The following KDM4A variants were observed in gnomAD, a reference collection of about 807,000 sequenced individuals.
KDM4A encodes the protein lysine demethylase 4A, also known as lysine-specific demethylase 4A.
Under a neutral mutation model 127.1 loss-of-function variants are expected in KDM4A, and 23 were observed. The observed-to-expected ratio is 0.18, with a 90% confidence interval of 0.13 to 0.26. KDM4A has a LOEUF of 0.26. KDM4A is among the 10% of genes least tolerant of loss of function. The pLI is 1.00. For synonymous variants in KDM4A, 443 were observed against 466.5 expected (o/e 0.95, Z 0.65); for missense variants, 890 against 1,329.1 (o/e 0.67, Z 5.14).
intron 18 of KDM4A, among the ~76,000 whole-genome samples, chr1:43,696,427 CTTTTCACTCTGCCAT>C (rs528263669): frequency 1.8e-4 from 27 of 152,334 alleles, no homozygotes; most frequent in African/African-American, 6.5e-4. Context: ...GAAGGATGAA[CTTTTCACTCTGCCAT>C]TTGGGGTTGC....
intron 11 of KDM4A, among the ~76,000 whole-genome samples, chr1:43,680,817 G>A (rs1462961468): frequency 6.6e-6 from 1 of 152,242 alleles, no homozygotes; most frequent in Non-Finnish European, 1.5e-5. Flanking sequence ...GGATGATCCA[G>A]GGTACGCTCC....
In KDM4A at chr1:43,669,084, G is replaced by C; in HGVS notation, c.1164-16G>C. 6.2e-7 allele frequency: 1 copy of C among 1,613,936 alleles called. No individual in the cohort carries two copies. Among genetic ancestry groups the C allele is most frequent in the Non-Finnish European group, 8.5e-7 (1 of 1,179,850 alleles). The stretch of plus-strand genomic sequence containing the variant: ...GTATATGTGGGCTCTTAAAAGATTT[G>C]CCCTCTCCCTTGCAGCCTGGCCAAG... On this transcript the variant is annotated splice_polypyrimidine_tract_variant and intron_variant, in intron 9 of 21. Coordinates refer to ENST00000372396, the MANE Select transcript of KDM4A (RefSeq NM_014663.3).
At position 43,703,493 on chromosome 1, in the gene KDM4A, A is replaced by G. The variant is rs943649857; in HGVS notation, c.2842-124A>G. ...TTTAACTGTTAACATTTTTCAGCCC[A>G]GAGAGCTGCCTTGCTCTCTAAAACA... On this transcript the variant is annotated intron_variant, in intron 19 of 21. Transcript: ENST00000372396. The G allele has an allele frequency of 3.5e-5, 43 of 1,242,594 alleles. No homozygotes were observed. In the African/African-American group the frequency reaches 5.8e-4, roughly 17 times the overall value. The allele number at this position is 1,242,594 out of a possible 1,614,324, so 77.0% of individuals were successfully genotyped here. A position where few individuals can be genotyped will look rare whatever the true frequency, so the allele number is the denominator to read the frequency against.
chr1:43,651,266 C>T (rs1302728154), intron 1 of KDM4A, among the ~76,000 whole-genome samples: 1 of 152,196 alleles, frequency 6.6e-6, no homozygotes, highest in African/African-American at 2.4e-5. Context: ...TGGAGCTGCC[C>T]TTGCAGAGGA....
At chr1:43,672,001 C>T (rs1660630393) in intron 11 of KDM4A, 126 bp downstream of exon 11, 6 of 1,128,720 alleles carry the variant, frequency 5.3e-6, no homozygotes, top group Non-Finnish European at 7.1e-6. Context: ...GCAGGAGAGA[C>T]CCTCAGTCAG....
rs767110914 is a variant in KDM4A at position 43,669,230 on chromosome 1, G to A, written c.1294G>A (p.Ala432Thr). The A allele has an allele frequency of 2.4e-5, 39 of 1,614,092 alleles. No individual in the cohort carries two copies. The highest frequency in any genetic ancestry group is 3.0e-5 in the Non-Finnish European group (35 of 1,180,050). The change falls in exon 10 of 22, where the codon GCA (alanine) becomes ACA (threonine). Residue 432 changes from alanine (A) to threonine (T), a missense_variant. By Grantham distance (58) the Ala-to-Thr change is moderately conservative (BLOSUM62 0). This residue lies in a region of KDM4A where 389 missense variants were observed against 485.9 expected (regional missense o/e 0.80). Coordinates refer to ENST00000372396, the MANE Select transcript of KDM4A (RefSeq NM_014663.3). Reference protein sequence around the residue: ...SEQYEMTECPAALAPVRPTHS... With the variant: ...SEQYEMTECPTALAPVRPTHS... Reference sequence around the variant, plus strand: ...GCAGTATGAGATGACGGAGTGCCCGGCAGCCCTCGCCCCTGTGAGGCCCAC... The same window carrying A: ...GCAGTATGAGATGACGGAGTGCCCGACAGCCCTCGCCCCTGTGAGGCCCAC...
chr1:43,704,457 T>A lies in KDM4A; in HGVS notation c.*87T>A. On this transcript the variant is annotated 3_prime_UTR_variant, in exon 22 of 22. Transcript: ENST00000372396. ...ACAGCAGACATGGAACGCTGAAGTC[T>A]CTGAAAGTGAAGTTGTAAAAAGAAA... 1 of 1,348,280 alleles carries A rather than the reference T, an allele frequency of 7.4e-7. No homozygotes were observed. The highest frequency in any genetic ancestry group is 1.0e-6 in the Non-Finnish European group (1 of 976,388). The allele number at this position is 1,348,280 out of a possible 1,614,324, so 83.5% of individuals were successfully genotyped here. A position where few individuals can be genotyped will look rare whatever the true frequency, so the allele number is the denominator to read the frequency against.
At chr1:43,682,729 A>G (rs922991618) in intron 11 of KDM4A, among the ~76,000 whole-genome samples, 1 of 152,228 alleles carries the variant, frequency 6.6e-6, no homozygotes, top group Admixed American at 6.5e-5. Flanking sequence ...TTCTCTTGGC[A>G]TTCCAACTGT....
intron 15 of KDM4A, among the ~76,000 whole-genome samples, chr1:43,691,811 G>A (rs1386721146): frequency 6.6e-6 from 1 of 152,142 alleles, no homozygotes; most frequent in East Asian, 1.9e-4. Context: ...TGGTCTTCCT[G>A]TGGAGGAACA....
intron 9 of KDM4A, among the ~76,000 whole-genome samples, chr1:43,668,226 G>T (rs528176878): frequency 1.1e-4 from 17 of 152,146 alleles, no homozygotes; most frequent in Non-Finnish European, 2.9e-5. Context: ...CCCGGGTTCA[G>T]GCCATTCTTC....
intron 19 of KDM4A, among the ~76,000 whole-genome samples, chr1:43,702,926 G>A (rs1321987853): frequency 6.6e-6 from 1 of 151,922 alleles, no homozygotes; most frequent in Admixed American, 6.5e-5. Context: ...AGCTACTCGG[G>A]AGGCTGAGGC....
In KDM4A at chr1:43,653,048, A is replaced by C. The variant is rs543398046; in HGVS notation, c.-39-89A>C. On this transcript the variant is annotated intron_variant, in intron 1 of 21. Transcript: ENST00000372396. ...TCTTAACTGTGTCTTTTGAATTTCT[A>C]TATTATCTTTTACTGTTTTCAGAGT... The C allele has an allele frequency of 1.0e-5, 7 of 683,498 alleles. No individual in the cohort carries two copies. In the South Asian group the frequency reaches 2.5e-4, roughly 25 times the overall value. 42.3% of individuals were successfully genotyped at this position (683,498 alleles called of 1,614,324 possible).
At position 43,669,214 on chromosome 1, in the gene KDM4A, G is replaced by A. The variant is rs1347756873; in HGVS notation, c.1278G>A (p.Glu426=). 1 of 1,614,240 alleles carries A rather than the reference G, an allele frequency of 6.2e-7. No individual in the cohort carries two copies. Among genetic ancestry groups the A allele is most frequent in the Non-Finnish European group, 8.5e-7 (1 of 1,180,046 alleles). ...AGGATCTGAGTTCTGAGCAGTATGA[G>A]ATGACGGAGTGCCCGGCAGCCCTCG... ...PKEDLSSEQY[E]MTECPAALAP... Residue 426 remains glutamate (E), a synonymous_variant, in exon 10 of 22, where the codon GAG becomes GAA. Coordinates refer to ENST00000372396, the MANE Select transcript of KDM4A (RefSeq NM_014663.3).
In KDM4A at chr1:43,704,465, T is replaced by C. The variant is rs1661496552; in HGVS notation, c.*95T>C. ...CATGGAACGCTGAAGTCTCTGAAAG[T>C]GAAGTTGTAAAAAGAAAAGGAATGA... On this transcript the variant is annotated 3_prime_UTR_variant, in exon 22 of 22. Coordinates refer to ENST00000372396, the MANE Select transcript of KDM4A (RefSeq NM_014663.3). 1.5e-6 allele frequency: 2 copies of C among 1,298,010 alleles called. No homozygotes were observed. The highest frequency in any genetic ancestry group is 2.3e-5 in the Admixed American group (1 of 43,992). The allele number at this position is 1,298,010 out of a possible 1,614,324, so 80.4% of individuals were successfully genotyped here. A position where few individuals can be genotyped will look rare whatever the true frequency, so the allele number is the denominator to read the frequency against.
At chr1:43,658,436 T>A (rs1405190182) in intron 3 of KDM4A, among the ~76,000 whole-genome samples, 1 of 151,920 alleles carries the variant, frequency 6.6e-6, no homozygotes, top group Admixed American at 6.6e-5. Flanking sequence ...TCAGAGAGAA[T>A]GTTAGGTCTC....
At position 43,683,716 on chromosome 1, in the gene KDM4A, G is replaced by GAAT; in HGVS notation, c.1770_1772dup (p.Asn590dup). The GAAT allele has an allele frequency of 6.2e-7, 1 of 1,614,038 alleles. No individual in the cohort carries two copies. Among genetic ancestry groups the GAAT allele is most frequent in the South Asian group, 1.1e-5 (1 of 91,026 alleles). On this transcript the variant is annotated inframe_insertion, in exon 12 of 22. Coordinates refer to ENST00000372396, the MANE Select transcript of KDM4A (RefSeq NM_014663.3). ...ATGAATACATGTTTTCCCTAGAAGA[G>GAAT]AATAAGAAGTCCAAGGGACGCCGTC...
intron 2 of KDM4A, 75 bp downstream of exon 2, chr1:43,653,388 C>A: frequency 3.5e-6 from 5 of 1,424,306 alleles, no homozygotes; most frequent in Non-Finnish European, 2.8e-6. Flanking sequence ...ACATTTGGGC[C>A]GGAACTGTGT....
intron 6 of KDM4A, 98 bp from the exon 7 acceptor site, chr1:43,666,354 C>T (rs1285279066): frequency 2.1e-6 from 2 of 950,526 alleles, no homozygotes; most frequent in Admixed American, 2.1e-5. Flanking sequence ...GATGCATCCT[C>T]TTTATCATTC....
chr1:43,696,807 T>C (rs1661251774), intron 18 of KDM4A, among the ~76,000 whole-genome samples: 1 of 152,238 alleles, frequency 6.6e-6, no homozygotes, highest in African/African-American at 2.4e-5. Flanking sequence ...TTGGGGGGAC[T>C]GATGAGTTAG....
Sources: gnomAD v4.1 joint callset for allele counts (sites outside exome capture counted in the v4.1 genomes callset) on GRCh38, gnomAD v4.1.1 for gene constraint, gnomAD v4.1.1 regional missense constraint, MANE v1.5 for transcripts, NCBI Gene and HGNC (gene_info 2026-07-23, HGNC 2026-07-21) for gene names.